The following UNC13C variants were observed in gnomAD, a reference collection of about 807,000 sequenced individuals.
UNC13C encodes protein unc-13 homolog C.
UNC13C carries 174 observed loss-of-function variants against 245.4 expected under a neutral mutation model. The observed-to-expected ratio is 0.71, with a 90% CI of 0.63 to 0.80. The LOEUF is 0.80. Among genes scored for constraint, UNC13C ranks in the 30% least tolerant of loss-of-function variants. The pLI, the probability that UNC13C is intolerant of heterozygous loss-of-function variation, is 0.00. For missense variants in UNC13C, 2,829 were observed against 2,602.9 expected (o/e 1.09, Z -1.89); for synonymous variants, 992 against 895.1 (o/e 1.11, Z -1.93).
At chr15:54,166,892 A>G (rs1452427054) in intron 4 of UNC13C, among the ~76,000 whole-genome samples, 2 of 152,184 alleles carry the variant, frequency 1.3e-5, no homozygotes, top group African/African-American at 4.8e-5. Flanking sequence ...AATATTGATA[A>G]AATCTCAGTT....
chr15:54,480,573 A>G (rs918771933), intron 19 of UNC13C, among the ~76,000 whole-genome samples: 1 of 151,590 alleles, frequency 6.6e-6, no homozygotes, highest in African/African-American at 2.4e-5. Context: ...TTTCTTTATA[A>G]TGATGTTTAT....
the UNC13C span, among the ~76,000 whole-genome samples, chr15:53,945,263 C>A: frequency 6.6e-6 from 1 of 152,148 alleles, no homozygotes; most frequent in Non-Finnish European, 1.5e-5. Context: ...TCCCATTTGT[C>A]AACTTTTGCT....
intron 17 of UNC13C, among the ~76,000 whole-genome samples, chr15:54,352,085 G>C (rs2038995477): frequency 6.6e-6 from 1 of 151,482 alleles, no homozygotes; most frequent in Non-Finnish European, 1.5e-5. Context: ...TGAAATCTTG[G>C]GGTGAAAGTT....
At chr15:54,232,719 G>A (rs1241711869) in intron 4 of UNC13C, among the ~76,000 whole-genome samples, 1 of 152,098 alleles carries the variant, frequency 6.6e-6, no homozygotes, top group African/African-American at 2.4e-5. Context: ...ATACTTGAAG[G>A]TTTATAGTTA....
chr15:54,263,504 C>A (rs2036478045), intron 8 of UNC13C, among the ~76,000 whole-genome samples: 1 of 151,972 alleles, frequency 6.6e-6, no homozygotes, highest in Non-Finnish European at 1.5e-5. Context: ...TGAGACCAGT[C>A]ATGAAAAACA....
chr15:53,879,611 C>T, the UNC13C span, among the ~76,000 whole-genome samples: 7,854 of 151,718 alleles, frequency 0.052, 267 homozygotes, highest in Middle Eastern at 0.14. Flanking sequence ...TTTTTTGAGA[C>T]GGAGTCTCGC....
At chr15:54,071,378 GAAGT>G (rs1339943159) in intron 2 of UNC13C, among the ~76,000 whole-genome samples, 1 of 152,110 alleles carries the variant, frequency 6.6e-6, no homozygotes, top group African/African-American at 2.4e-5. Flanking sequence ...AAAATCTGTA[GAAGT>G]AATGGGTATT....
At chr15:54,547,017 A>C (rs1418314436) in intron 27 of UNC13C, among the ~76,000 whole-genome samples, 172 bp downstream of exon 27, 1 of 152,210 alleles carries the variant, frequency 6.6e-6, no homozygotes, top group East Asian at 1.9e-4. Context: ...AGTCAATTTT[A>C]AATAATGGCA....
At chr15:54,265,312 T>G (rs755625580) in intron 9 of UNC13C, 43 bp from the exon 10 acceptor site, 29 of 1,348,710 alleles carry the variant, frequency 2.2e-5, no homozygotes, top group Non-Finnish European at 2.7e-5. Flanking sequence ...TTTTTGTTTC[T>G]GAGGACTCTG....
At chr15:54,379,706 C>T (rs2039679894) in intron 17 of UNC13C, among the ~76,000 whole-genome samples, 1 of 152,006 alleles carries the variant, frequency 6.6e-6, no homozygotes, top group Admixed American at 6.6e-5. Flanking sequence ...GGAGAAGATC[C>T]GTGGACCAGA....
chr15:54,050,485 AT>A, intron 2 of UNC13C: 1 of 540,642 alleles, frequency 1.8e-6, no homozygotes, highest in South Asian at 1.4e-5. Context: ...CTTTGACCAA[AT>A]TTTTATTTGT....
chr15:54,449,135 G>A (rs1368749444), intron 19 of UNC13C, among the ~76,000 whole-genome samples: 3 of 152,234 alleles, frequency 2.0e-5, no homozygotes, highest in South Asian at 2.1e-4. Context: ...AGTTTCTGCC[G>A]AGAGATCCAC....
At chr15:54,021,442 A>G (rs1309869086) in intron 2 of UNC13C, among the ~76,000 whole-genome samples, 2 of 152,202 alleles carry the variant, frequency 1.3e-5, no homozygotes, top group Non-Finnish European at 2.9e-5. Context: ...AGATCATACA[A>G]TACTTTTCTT....
chr15:54,117,439 T>C (rs973136029), intron 2 of UNC13C, among the ~76,000 whole-genome samples: 1 of 152,150 alleles, frequency 6.6e-6, no homozygotes, highest in Admixed American at 6.6e-5. Context: ...TCCATTTTGA[T>C]ATGATTGTTG....
chr15:54,047,263 A>G (rs1456574540), intron 2 of UNC13C, among the ~76,000 whole-genome samples: 1 of 152,062 alleles, frequency 6.6e-6, no homozygotes, highest in Non-Finnish European at 1.5e-5. Context: ...TAAAATATAC[A>G]TAACAAAATT....
Position 54,014,524 on chromosome 15 carries a change from T to G in UNC13C, c.1621T>G (p.Phe541Val). The change falls in exon 2 of 33, where the codon TTT becomes GTT. Residue 541 changes from phenylalanine to valine, a missense_variant. Physicochemically the swap from Phe to Val is conservative, Grantham distance 50 (BLOSUM62 -1). Coordinates refer to ENST00000260323, the MANE Select transcript of UNC13C (RefSeq NM_001080534.3). ...ACCTCTCTGGCACTCACAGAGTGAT[T>G]TTTTCACTGCTAAACTTAGTCGTTC... is the stretch of plus-strand genomic sequence containing the variant. ...ATPLWHSQSDFFTAKLSRSES... is the reference protein window; with the variant it reads ...ATPLWHSQSDVFTAKLSRSES... The G allele has an allele frequency of 6.2e-7, 1 of 1,613,812 alleles. No individual in the cohort carries two copies. The highest frequency in any genetic ancestry group is 8.5e-7 in the Non-Finnish European group (1 of 1,179,824).
chr15:53,927,277 G>A, the UNC13C span, among the ~76,000 whole-genome samples: 4 of 152,176 alleles, frequency 2.6e-5, no homozygotes, highest in Admixed American at 2.6e-4. Context: ...GCCACTCAGG[G>A]TTAGTTCCAT....
chr15:53,933,866 T>A, the UNC13C span, among the ~76,000 whole-genome samples: 1 of 152,360 alleles, frequency 6.6e-6, no homozygotes, highest in South Asian at 2.1e-4. Flanking sequence ...AAGAATGATG[T>A]GTTAGGCCAT....
chr15:54,192,815 A>T (rs1414827991), intron 4 of UNC13C, among the ~76,000 whole-genome samples: 1 of 151,886 alleles, frequency 6.6e-6, no homozygotes, highest in Non-Finnish European at 1.5e-5. Flanking sequence ...TTGTGTTTTG[A>T]ATTACAGACA....
Sources: allele counts gnomAD v4.1 joint callset (sites outside exome capture counted in the v4.1 genomes callset), GRCh38; gene constraint gnomAD v4.1.1; transcripts MANE v1.5; gene names NCBI Gene and HGNC (gene_info 2026-07-23, HGNC 2026-07-21).